Variants in PRKN observed in about 807,000 individuals in gnomAD.
The protein encoded by PRKN is parkin RBR E3 ubiquitin protein ligase.
A neutral mutation model predicts 59.5 loss-of-function variants in PRKN; 56 were observed. The observed-to-expected ratio is 0.94, with a 90% CI of 0.76 to 1.18. The LOEUF is 1.18. Ranked by LOEUF, PRKN falls within the 50% of genes most tolerant of loss-of-function variation. The pLI is 0.00. For synonymous variants in PRKN, 250 were observed against 222.1 expected, an observed-to-expected ratio of 1.13 and a Z score of -1.12; for missense variants, 657 against 596.4, an observed-to-expected ratio of 1.10 and a Z score of -1.06.
chr6:162,263,538 C>T (rs1273935295), intron 2 of PRKN, among the ~76,000 whole-genome samples: 1 of 152,172 alleles, frequency 6.6e-6, no homozygotes, highest in Non-Finnish European at 1.5e-5. Context: ...AAAGGTTTTG[C>T]ATCTACATAT....
At chr6:162,679,055 G>A (rs776436616) in intron 1 of PRKN, among the ~76,000 whole-genome samples, 8 of 149,284 alleles carry the variant, frequency 5.4e-5, no homozygotes, top group African/African-American at 4.9e-5. Flanking sequence ...GATTACAGAC[G>A]TGAGCCACTG....
intron 2 of PRKN, among the ~76,000 whole-genome samples, chr6:162,385,923 A>G (rs761612838): frequency 6.6e-6 from 1 of 152,142 alleles, no homozygotes; most frequent in African/African-American, 2.4e-5. Flanking sequence ...AATTTCATCT[A>G]TGTCAAAATA....
chr6:161,495,020 A>C (rs1230355040), intron 9 of PRKN, among the ~76,000 whole-genome samples: 1 of 152,238 alleles, frequency 6.6e-6, no homozygotes, highest in African/African-American at 2.4e-5. Context: ...ATTGTATTTT[A>C]ATATCCACTT....
At chr6:161,660,997 C>G (rs959393058) in intron 7 of PRKN, among the ~76,000 whole-genome samples, 1 of 152,114 alleles carries the variant, frequency 6.6e-6, no homozygotes, top group African/African-American at 2.4e-5. Flanking sequence ...AGTATCTAAC[C>G]CACATACCTC....
chr6:161,875,149 A>T (rs2128228197), intron 6 of PRKN, among the ~76,000 whole-genome samples: 1 of 136,888 alleles, frequency 7.3e-6, no homozygotes, highest in East Asian at 2.1e-4. Context: ...TATATATAAA[A>T]ATATACAATA....
chr6:161,663,714 T>C (rs532519639), intron 7 of PRKN, among the ~76,000 whole-genome samples: 2 of 152,344 alleles, frequency 1.3e-5, no homozygotes, highest in East Asian at 3.9e-4. Flanking sequence ...TTTCACTTTA[T>C]GTATGATTTT....
At position 161,962,302 on chromosome 6, in the gene PRKN, A is replaced by T. The variant is rs549028855; in HGVS notation, c.734+11000T>A. ...TCTGAAGATATGAACTGGCACAAAC[A>T]TTATTTGCAATGAAAAGTAACTTCT... On this transcript the variant is annotated intron_variant, in intron 6 of 11. Coordinates refer to ENST00000366898, the MANE Select transcript of PRKN (RefSeq NM_004562.3). Among the ~76,000 whole-genome samples the T allele has an allele frequency of 3.4e-4, 52 of 152,348 alleles. 1 individual carries two copies. In the South Asian group the frequency reaches 3.7e-3, roughly 11 times the overall value.
At chr6:161,644,983 A>G (rs1017530154) in intron 7 of PRKN, among the ~76,000 whole-genome samples, 1 of 152,240 alleles carries the variant, frequency 6.6e-6, no homozygotes, top group Non-Finnish European at 1.5e-5. Context: ...GCCAACCTGC[A>G]TATCATTTAT....
intron 2 of PRKN, among the ~76,000 whole-genome samples, chr6:162,350,967 A>G (rs1784599766): frequency 6.6e-6 from 1 of 152,146 alleles, no homozygotes; most frequent in South Asian, 2.1e-4. Flanking sequence ...GCAGAACTCA[A>G]TGGTAAGAAA....
At chr6:161,616,401 C>G (rs1467048056) in intron 7 of PRKN, among the ~76,000 whole-genome samples, 5 of 148,102 alleles carry the variant, frequency 3.4e-5, no homozygotes, top group African/African-American at 4.9e-5. Context: ...CCCATTTTTC[C>G]ATGTGTTCTT....
intron 5 of PRKN, among the ~76,000 whole-genome samples, chr6:162,033,781 C>T (rs1260057635): frequency 6.6e-6 from 1 of 152,168 alleles, no homozygotes; most frequent in Non-Finnish European, 1.5e-5. Flanking sequence ...TTATGCTGTT[C>T]ACTCATTTAA....
At chr6:161,907,934 C>A (rs1001950547) in intron 6 of PRKN, among the ~76,000 whole-genome samples, 1 of 151,884 alleles carries the variant, frequency 6.6e-6, no homozygotes, top group Non-Finnish European at 1.5e-5. Context: ...AAAAATTAGC[C>A]GGGTGTGGGG....
chr6:162,282,051 G>A (rs893981213), intron 2 of PRKN, among the ~76,000 whole-genome samples: 7 of 152,132 alleles, frequency 4.6e-5, no homozygotes, highest in Non-Finnish European at 8.8e-5. Context: ...GAGCTCCAGC[G>A]TCATGCTCAT....
chr6:162,684,290 G>C (rs973002948), intron 1 of PRKN, among the ~76,000 whole-genome samples: 4 of 151,838 alleles, frequency 2.6e-5, no homozygotes, highest in African/African-American at 9.7e-5. Flanking sequence ...ATTTAAAACT[G>C]AACTCTTCAG....
intron 7 of PRKN, among the ~76,000 whole-genome samples, chr6:161,673,864 T>C (rs1178434507): frequency 6.6e-6 from 1 of 152,182 alleles, no homozygotes; most frequent in African/African-American, 2.4e-5. Context: ...TGTGTCCATT[T>C]ATGGAGGTGA....
At chr6:161,859,917 G>A (rs1235383799) in intron 6 of PRKN, among the ~76,000 whole-genome samples, 3 of 152,064 alleles carry the variant, frequency 2.0e-5, no homozygotes, top group South Asian at 2.1e-4. Flanking sequence ...AAAACTGAAC[G>A]GAACAATGGT....
chr6:161,614,653 T>C (rs931803989), intron 7 of PRKN, among the ~76,000 whole-genome samples: 19 of 152,262 alleles, frequency 1.2e-4, no homozygotes, highest in African/African-American at 4.6e-4. Flanking sequence ...TGATATTGTT[T>C]CACATATATG....
chr6:161,617,092 G>T (rs1782725492), intron 7 of PRKN, among the ~76,000 whole-genome samples: 1 of 152,092 alleles, frequency 6.6e-6, no homozygotes, highest in Admixed American at 6.5e-5. Flanking sequence ...ACTTTTTAAT[G>T]ATCACCATTC....
At chr6:161,939,879 TG>T (rs1211914073) in intron 6 of PRKN, among the ~76,000 whole-genome samples, 1 of 152,056 alleles carries the variant, frequency 6.6e-6, no homozygotes, top group Non-Finnish European at 1.5e-5. Flanking sequence ...GGGGTAAAAT[TG>T]GTACTAAATA....
Sources: gnomAD v4.1 joint callset for allele counts (sites outside exome capture counted in the v4.1 genomes callset) on GRCh38, gnomAD v4.1.1 for gene constraint, MANE v1.5 for transcripts, NCBI Gene and HGNC (gene_info 2026-07-23, HGNC 2026-07-21) for gene names.